Variants in EHMT1 observed in about 807,000 individuals in gnomAD.
EHMT1 encodes the protein euchromatic histone lysine methyltransferase 1.
Under a neutral mutation model 147.2 loss-of-function variants are expected in EHMT1, and 15 were observed. That is an observed-to-expected ratio of 0.10 (90% confidence interval 0.07 to 0.16). The LOEUF is 0.16. EHMT1 is among the 10% of genes least tolerant of loss of function. EHMT1 has a pLI of 1.00. For synonymous variants in EHMT1, 795 were observed against 709.6 expected (o/e 1.12, Z -1.91); for missense variants, 1,587 against 1,772.4 (o/e 0.90, Z 1.88).
intron 25 of EHMT1, among the ~76,000 whole-genome samples, chr9:137,830,738 G>A (rs927554953): frequency 3.9e-5 from 6 of 152,132 alleles, no homozygotes; most frequent in Non-Finnish European, 7.3e-5. Flanking sequence ...TGGCTTGATA[G>A]GCAGTTACAT....
chr9:137,728,289 T>A, intron 3 of EHMT1, 60 bp from the exon 4 acceptor site: 1 of 1,609,080 alleles, frequency 6.2e-7, no homozygotes, highest in Non-Finnish European at 8.5e-7. Context: ...TTTGGTTGCA[T>A]GTTATTTCAG....
rs151288338 is a variant in EHMT1, at chr9:137,742,083, G to A, written c.824-1288G>A. Among the ~76,000 whole-genome samples the A allele has an allele frequency of 5.3e-5, 8 of 152,276 alleles. No individual in the cohort carries two copies. In the East Asian group the frequency reaches 1.5e-3, roughly 29 times the overall value. ...TGTCTGCATGTTGGCTGTGTGCTCC[G>A]AGCCTGACCCCCATGAACATACTGC... is the stretch of plus-strand genomic sequence containing the variant. On this transcript the variant is annotated intron_variant, in intron 4 of 26. Transcript: ENST00000460843.
At chr9:137,710,377 G>T (rs1776307993) in intron 1 of EHMT1, among the ~76,000 whole-genome samples, 1 of 152,144 alleles carries the variant, frequency 6.6e-6, no homozygotes, top group Non-Finnish European at 1.5e-5. Flanking sequence ...GGTGGGTGAG[G>T]CCTGAGAATC....
chr9:137,709,757 G>A (rs1383015022), intron 1 of EHMT1, among the ~76,000 whole-genome samples: 1 of 152,122 alleles, frequency 6.6e-6, no homozygotes, highest in Non-Finnish European at 1.5e-5. Flanking sequence ...AGTGACCTCG[G>A]GCAAGTCTGT....
At chr9:137,691,703 C>A (rs947483156) in intron 1 of EHMT1, among the ~76,000 whole-genome samples, 55 of 152,308 alleles carry the variant, frequency 3.6e-4, no homozygotes, top group Non-Finnish European at 4.1e-4. Flanking sequence ...GCAACCGCAC[C>A]ATTTTGCATT....
intron 1 of EHMT1, among the ~76,000 whole-genome samples, chr9:137,687,771 C>T (rs921217073): frequency 1.3e-5 from 2 of 152,204 alleles, no homozygotes; most frequent in Non-Finnish European, 2.9e-5. Context: ...ATTTCCGAGC[C>T]TCCAGAACTT....
At chr9:137,810,555 T>C (rs563298224) in intron 18 of EHMT1, among the ~76,000 whole-genome samples, 1 of 152,260 alleles carries the variant, frequency 6.6e-6, no homozygotes, top group South Asian at 2.1e-4. Context: ...TTTTTTATTT[T>C]CTTCTCCTTT....
At chr9:137,711,551 G>C (rs1056163739) in intron 2 of EHMT1, among the ~76,000 whole-genome samples, 3 of 152,184 alleles carry the variant, frequency 2.0e-5, no homozygotes, top group African/African-American at 7.2e-5. Flanking sequence ...TTTTATGGCA[G>C]ACACTTGGAG....
At chr9:137,825,232 G>A (rs1057501973) in intron 25 of EHMT1, among the ~76,000 whole-genome samples, 51 of 152,184 alleles carry the variant, frequency 3.4e-4, no homozygotes, top group Admixed American at 1.7e-3. Flanking sequence ...AGCAAGTCAC[G>A]CTCAAGGGGA....
At position 137,676,234 on chromosome 9, in the gene EHMT1, A is replaced by AT. The variant is rs984235850; in HGVS notation, c.22-34725dup. The stretch of plus-strand genomic sequence containing the variant: ...CGCGCCCGGCCATTACGCCTGACTA[A>AT]TTTTTTTTGTATTTTTAGTAGAGAG... On this transcript the variant is annotated intron_variant, in intron 1 of 26. Transcript: ENST00000460843. The AT allele has an allele frequency of 1.2e-4, 17 of 140,852 alleles. No homozygotes were observed. In the East Asian group the frequency reaches 1.7e-3, roughly 14 times the overall value. The allele number at this position is 140,852 out of a possible 1,614,324, so 8.7% of individuals were successfully genotyped here. A position where few individuals can be genotyped will look rare whatever the true frequency, so the allele number is the denominator to read the frequency against.
At chr9:137,725,711 CAGAG>C (rs144118810) in intron 3 of EHMT1, among the ~76,000 whole-genome samples, 2 of 152,234 alleles carry the variant, frequency 1.3e-5, no homozygotes, top group African/African-American at 2.4e-5. Flanking sequence ...GCTCGAGAGA[CAGAG>C]AGGCAAGGAG....
chr9:137,723,193 CTGTGGTT>C (rs1196185130), intron 3 of EHMT1, among the ~76,000 whole-genome samples: 5 of 98,074 alleles, frequency 5.1e-5, no homozygotes, highest in East Asian at 3.2e-4. Flanking sequence ...GTGCCTGTGT[CTGTGGTT>C]CTGGGCCTGA....
At chr9:137,792,164 A>G in intron 16 of EHMT1, 2 of 464,662 alleles carry the variant, frequency 4.3e-6, no homozygotes, top group Non-Finnish European at 8.9e-6. Flanking sequence ...TTCAAAACTT[A>G]CTATATACGG....
chr9:137,743,870 T>G, intron 5 of EHMT1, 32 bp from the exon 6 acceptor site: 1 of 1,591,888 alleles, frequency 6.3e-7, no homozygotes. Flanking sequence ...GCACTGATCC[T>G]GCCTTGGGGT....
At chr9:137,778,671 A>G (rs1187665096) in intron 13 of EHMT1, among the ~76,000 whole-genome samples, 2 of 151,946 alleles carry the variant, frequency 1.3e-5, no homozygotes, top group African/African-American at 4.8e-5. Flanking sequence ...TTCCTGACCC[A>G]CAGGCTCTGC....
chr9:137,765,251 A>AC, intron 10 of EHMT1, among the ~76,000 whole-genome samples: 1 of 152,170 alleles, frequency 6.6e-6, no homozygotes, highest in South Asian at 2.1e-4. Flanking sequence ...TACCTCTGAA[A>AC]CAAGCTTCAG....
chr9:137,689,762 T>C (rs1192575830), intron 1 of EHMT1, among the ~76,000 whole-genome samples: 1 of 152,180 alleles, frequency 6.6e-6, no homozygotes, highest in Non-Finnish European at 1.5e-5. Flanking sequence ...CCTGCGATTG[T>C]CATTTGATGT....
At chr9:137,688,175 C>G (rs984551353) in intron 1 of EHMT1, among the ~76,000 whole-genome samples, 1 of 152,116 alleles carries the variant, frequency 6.6e-6, no homozygotes, top group African/African-American at 2.4e-5. Context: ...AAGCATGCGC[C>G]ACCACGCCTG....
intron 15 of EHMT1, among the ~76,000 whole-genome samples, chr9:137,790,052 G>A (rs762070104): frequency 6.6e-6 from 1 of 152,234 alleles, no homozygotes; most frequent in Non-Finnish European, 1.5e-5. Context: ...TAGCCGTTAT[G>A]AGTTAGCCTC....
Sources: allele counts gnomAD v4.1 joint callset (sites outside exome capture counted in the v4.1 genomes callset), GRCh38; gene constraint gnomAD v4.1.1; transcripts MANE v1.5; gene names NCBI Gene and HGNC (gene_info 2026-07-23, HGNC 2026-07-21).